PXYLP1: variants seen among roughly 807,000 people sequenced by gnomAD.
The protein encoded by PXYLP1 is 2-phosphoxylose phosphatase 1, also known as acid phosphatase-like 2.
Under a neutral mutation model 37.9 loss-of-function variants are expected in PXYLP1, and 17 were observed. The ratio of observed to expected loss-of-function variants is 0.45; its 90% CI spans 0.31 to 0.67. PXYLP1 has a LOEUF of 0.67. Ranked by LOEUF, PXYLP1 falls within the 30% of genes least tolerant of loss-of-function variation. The probability of loss-of-function intolerance (pLI) is 0.07; values close to 1 mark genes in which losing one functional copy is unlikely to be tolerated. For missense variants in PXYLP1, 511 were observed against 612.0 expected, an observed-to-expected ratio of 0.84 and a Z score of 1.74; for synonymous variants, 221 against 232.2, an observed-to-expected ratio of 0.95 and a Z score of 0.44.
chr3:141,272,963 C>G (rs1390375369), intron 2 of PXYLP1: 4 of 982,790 alleles, frequency 4.1e-6, no homozygotes, highest in Non-Finnish European at 4.8e-6. Flanking sequence ...AGTGGACACC[C>G]AGTATTAACC....
intron 2 of PXYLP1, among the ~76,000 whole-genome samples, chr3:141,276,763 TC>T (rs1941806118): frequency 6.6e-6 from 1 of 152,156 alleles, no homozygotes; most frequent in South Asian, 2.1e-4. Context: ...GTTTCCACCC[TC>T]CCCATGATGT....
chr3:141,251,476 GT>G (rs1224614156), intron 1 of PXYLP1, among the ~76,000 whole-genome samples: 1 of 152,212 alleles, frequency 6.6e-6, no homozygotes, highest in African/African-American at 2.4e-5. Context: ...TTGCAAGGGA[GT>G]TTAGGAAATA....
In PXYLP1 at chr3:141,248,620, C is replaced by CACACGTGTATATAT. The variant is rs1559881532; in HGVS notation, c.-53-11499_-53-11498insGTGTATATATACAC. Among the ~76,000 whole-genome samples, 153 of 75,544 alleles carry CACACGTGTATATAT rather than the reference C, an allele frequency of 2.0e-3. 21 individuals carry two copies. Among genetic ancestry groups the CACACGTGTATATAT allele is most frequent in the African/African-American group, 5.5e-3 (69 of 12,648 alleles). The allele number at this position is 75,544 out of a possible 152,430, so 49.6% of individuals were successfully genotyped here. A position where few individuals can be genotyped will look rare whatever the true frequency, so the allele number is the denominator to read the frequency against. ...GTGTATATATACACACGTATATATA[C>CACACGTGTATATAT]ACACACGTATATATACACACGTGTA... On this transcript the variant is annotated intron_variant, in intron 1 of 5. Transcript: ENST00000286353.
chr3:141,271,208 C>T (rs532409431), intron 2 of PXYLP1, among the ~76,000 whole-genome samples: 1 of 152,316 alleles, frequency 6.6e-6, no homozygotes, highest in South Asian at 2.1e-4. Context: ...GGCAGGGATA[C>T]TTGCCCCAGG....
At chr3:141,243,757 C>A (rs1940871175) in intron 1 of PXYLP1, among the ~76,000 whole-genome samples, 1 of 152,216 alleles carries the variant, frequency 6.6e-6, no homozygotes, top group Admixed American at 6.5e-5. Flanking sequence ...CCCTCCCAGT[C>A]CACCTAAGCA....
At chr3:141,257,263 C>T (rs1428647340) in intron 1 of PXYLP1, among the ~76,000 whole-genome samples, 2 of 152,212 alleles carry the variant, frequency 1.3e-5, no homozygotes, top group Non-Finnish European at 1.5e-5. Flanking sequence ...CTTACCTTGG[C>T]TCCATGTGGT....
intron 3 of PXYLP1, 65 bp from the exon 4 acceptor site, chr3:141,279,313 G>A: frequency 6.3e-7 from 1 of 1,595,146 alleles, no homozygotes; most frequent in Non-Finnish European, 8.6e-7. Context: ...TCATCCCCTT[G>A]GCCCCCTTCT....
chr3:141,246,477 G>C (rs1264356567), intron 1 of PXYLP1, among the ~76,000 whole-genome samples: 1 of 152,192 alleles, frequency 6.6e-6, no homozygotes, highest in African/African-American at 2.4e-5. Context: ...CTATGAGAAA[G>C]TGATCTTTGA....
At chr3:141,249,043 G>T (rs1178711095) in intron 1 of PXYLP1, among the ~76,000 whole-genome samples, 1 of 151,958 alleles carries the variant, frequency 6.6e-6, no homozygotes, top group Non-Finnish European at 1.5e-5. Context: ...CACACACTTG[G>T]CCACCTCCAT....
intron 1 of PXYLP1, among the ~76,000 whole-genome samples, chr3:141,238,367 C>T (rs1019652282): frequency 4.6e-5 from 7 of 152,224 alleles, no homozygotes; most frequent in Non-Finnish European, 1.0e-4. Context: ...CCTGCCATCA[C>T]GGAGCTGGCA....
chr3:141,271,390 C>T (rs1941659976), intron 2 of PXYLP1, among the ~76,000 whole-genome samples: 1 of 152,152 alleles, frequency 6.6e-6, no homozygotes, highest in African/African-American at 2.4e-5. Flanking sequence ...CTGTAGTCCC[C>T]TAAGGAAGTG....
At position 141,287,308 on chromosome 3, in the gene PXYLP1, C is replaced by T. The variant is rs746434082; in HGVS notation, c.366-6C>T. ...TGACCTCTAACTCTCTCTATCATCT[C>T]TCTAGGAAACCGTATCACCCAAAAC... On this transcript the variant is annotated splice_region_variant and splice_polypyrimidine_tract_variant and intron_variant, in intron 4 of 5. Transcript: ENST00000286353. 1.2e-6 allele frequency: 2 copies of T among 1,613,822 alleles called. No individual in the cohort carries two copies. The highest frequency in any genetic ancestry group is 1.3e-5 in the African/African-American group (1 of 75,026).
At position 141,260,171 on chromosome 3, in the gene PXYLP1, T is replaced by G; in HGVS notation, c.-5T>G. The G allele has an allele frequency of 9.3e-6, 15 of 1,613,984 alleles. No individual in the cohort carries two copies. The highest frequency in any genetic ancestry group is 1.3e-5 in the Non-Finnish European group (15 of 1,180,032). ...AACCATGAAGAGAAAATAGAATACT[T>G]AATAATGCTTTTCCGCAACCGCTTC... On this transcript the variant is annotated 5_prime_UTR_variant, in exon 2 of 6. Coordinates refer to ENST00000286353, the MANE Select transcript of PXYLP1 (RefSeq NM_001037172.3).
chr3:141,274,921 A>G (rs889255008), intron 2 of PXYLP1, among the ~76,000 whole-genome samples: 2 of 152,206 alleles, frequency 1.3e-5, no homozygotes, highest in Non-Finnish European at 2.9e-5. Flanking sequence ...ACGGTGGAGC[A>G]TAGGCGAGAA....
chr3:141,278,357 T>G lies in PXYLP1; in HGVS notation c.95T>G (p.Val32Gly), dbSNP rs765719510. 3.7e-6 allele frequency: 6 copies of G among 1,614,092 alleles called. No individual in the cohort carries two copies. Among genetic ancestry groups the G allele is most frequent in the Non-Finnish European group, 5.1e-6 (6 of 1,180,034 alleles). ...LSLQFFHLIP[V>G]STPKNGMSSK... is the part of the protein sequence containing the mutation. ...TTCGTTTCAGTCCACCTGATCCCGG[T>G]GTCGACTCCTAAGAATGGAATGAGT... Residue 32 changes from valine to glycine, a missense_variant, in exon 3 of 6, where the codon GTG becomes GGG. Coordinates refer to ENST00000286353, the MANE Select transcript of PXYLP1 (RefSeq NM_001037172.3).
chr3:141,279,812 G>A (rs1039669446), intron 4 of PXYLP1, among the ~76,000 whole-genome samples: 11 of 152,142 alleles, frequency 7.2e-5, no homozygotes, highest in African/African-American at 2.4e-4. Flanking sequence ...AGAGTCCTCC[G>A]CCCCAGCTCA....
chr3:141,241,706 G>T (rs535426327), intron 1 of PXYLP1, among the ~76,000 whole-genome samples: 2 of 152,214 alleles, frequency 1.3e-5, no homozygotes, highest in Non-Finnish European at 2.9e-5. Flanking sequence ...GTGCCATGGG[G>T]CCTGGCCTTA....
In PXYLP1 at chr3:141,293,315, C is replaced by T; in HGVS notation, c.*110C>T. 1 of 1,144,016 alleles carries T rather than the reference C, an allele frequency of 8.7e-7. No individual in the cohort carries two copies. The highest frequency in any genetic ancestry group is 1.2e-6 in the Non-Finnish European group (1 of 828,640). The allele number at this position is 1,144,016 out of a possible 1,614,324, so 70.9% of individuals were successfully genotyped here. A position where few individuals can be genotyped will look rare whatever the true frequency, so the allele number is the denominator to read the frequency against. On this transcript the variant is annotated 3_prime_UTR_variant, in exon 6 of 6. Transcript: ENST00000286353. Reference sequence around the variant, plus strand: ...GTAGAAGATTATTGCTTTTTAAAGGCTAAATATTGTTTGTGGGAACCACAG... The same window carrying T: ...GTAGAAGATTATTGCTTTTTAAAGGTTAAATATTGTTTGTGGGAACCACAG...
intron 1 of PXYLP1, chr3:141,236,222 C>A (rs943297043): frequency 6.6e-5 from 10 of 152,160 alleles, no homozygotes; most frequent in African/African-American, 2.4e-4. Context: ...CTTTAAAATT[C>A]TCTTTGTATT....
Sources: allele counts gnomAD v4.1 joint callset (sites outside exome capture counted in the v4.1 genomes callset), GRCh38; gene constraint gnomAD v4.1.1; transcripts MANE v1.5; gene names NCBI Gene and HGNC (gene_info 2026-07-23, HGNC 2026-07-21).